Variants in PCDH15 observed in about 807,000 individuals in gnomAD.
The protein encoded by PCDH15 is protocadherin-15.
A neutral mutation model predicts 178.5 loss-of-function variants in PCDH15; 129 were observed. That is an observed-to-expected ratio of 0.72 (90% CI 0.63 to 0.84). The LOEUF is 0.84. PCDH15 is among the 40% of genes least tolerant of loss of function. PCDH15 has a pLI of 0.00. For synonymous variants in PCDH15, 800 were observed against 732.0 expected, an observed-to-expected ratio of 1.09 and a Z score of -1.50; for missense variants, 2,230 against 2,099.9, an observed-to-expected ratio of 1.06 and a Z score of -1.21.
At chr10:54,371,743 A>G (rs1456537907) in intron 4 of PCDH15, among the ~76,000 whole-genome samples, 1 of 152,060 alleles carries the variant, frequency 6.6e-6, no homozygotes, top group African/African-American at 2.4e-5. Flanking sequence ...TATCAGTAGA[A>G]GAGTATAGTT....
intron 32 of PCDH15, among the ~76,000 whole-genome samples, chr10:53,820,464 A>G (rs774294822): frequency 1.3e-5 from 2 of 152,032 alleles, no homozygotes; most frequent in Admixed American, 6.6e-5. Flanking sequence ...CTCTCAACTT[A>G]TATTCATATA....
intron 20 of PCDH15, among the ~76,000 whole-genome samples, chr10:53,998,481 CTG>C (rs376476847): frequency 6.1e-4 from 93 of 152,126 alleles, no homozygotes; most frequent in African/African-American, 2.1e-3. Flanking sequence ...ACATTAGAGT[CTG>C]TAATAATCAC....
chr10:54,379,004 T>C, intron 3 of PCDH15, 62 bp from the exon 4 acceptor site: 3 of 1,590,510 alleles, frequency 1.9e-6, no homozygotes, highest in East Asian at 2.2e-5. Context: ...TTAGCAAAGA[T>C]CATGCTCTTA....
Position 55,117,773 on chromosome 10 carries a change from G to A in PCDH15, c.-80+48803C>T, listed in dbSNP as rs557146278. ...AACTTATGAGAAATCAACAGAAGAAGTCAAGAAACACCATTACAAGGTACC... is the reference window on the plus strand; with the variant it reads ...AACTTATGAGAAATCAACAGAAGAAATCAAGAAACACCATTACAAGGTACC... On this transcript the variant is annotated intron_variant, in intron 2 of 5. Transcript: ENST00000458638. Among the ~76,000 whole-genome samples, 11 of 152,262 alleles carry A rather than the reference G, an allele frequency of 7.2e-5. No homozygotes were observed. The South Asian group carries it at 2.1e-3, about 29-fold the overall frequency.
intron 1 of PCDH15, among the ~76,000 whole-genome samples, chr10:54,752,272 G>C (rs1050214072): frequency 4.0e-5 from 6 of 150,828 alleles, no homozygotes; most frequent in Non-Finnish European, 7.4e-5. Context: ...GTCAGGAGAT[G>C]GAGACCATCC....
intron 16 of PCDH15, among the ~76,000 whole-genome samples, chr10:54,085,002 C>A (rs12268317): frequency 0.027 from 4,091 of 152,060 alleles, 182 homozygotes; most frequent in African/African-American, 0.09. Flanking sequence ...TAACAAAAAC[C>A]TACTAATAAA....
chr10:54,529,821 C>T (rs376204655), intron 2 of PCDH15, among the ~76,000 whole-genome samples: 1 of 151,916 alleles, frequency 6.6e-6, no homozygotes, highest in East Asian at 1.9e-4. Flanking sequence ...TTATAAAATT[C>T]CTCCAATTAT....
chr10:54,718,257 A>C (rs1390510846), intron 1 of PCDH15, among the ~76,000 whole-genome samples: 1 of 147,820 alleles, frequency 6.8e-6, no homozygotes, highest in Non-Finnish European at 1.5e-5. Flanking sequence ...AACTTGAAGT[A>C]TAATAATAAT....
chr10:55,045,111 C>A (rs1840965620), intron 2 of PCDH15, among the ~76,000 whole-genome samples: 2 of 151,970 alleles, frequency 1.3e-5, no homozygotes, highest in South Asian at 4.1e-4. Flanking sequence ...CTAAAAACAC[C>A]AAATATTGTC....
intron 2 of PCDH15, among the ~76,000 whole-genome samples, chr10:54,943,267 C>A (rs957734355): frequency 1.3e-5 from 2 of 151,900 alleles, no homozygotes; most frequent in African/African-American, 4.8e-5. Flanking sequence ...TGGTGTTCAT[C>A]CTCAAAGCCA....
At chr10:54,475,827 A>G (rs1329898839) in intron 3 of PCDH15, among the ~76,000 whole-genome samples, 1 of 151,122 alleles carries the variant, frequency 6.6e-6, no homozygotes, top group African/African-American at 2.4e-5. Context: ...ATAAACTTAT[A>G]TTGATCCATT....
intron 2 of PCDH15, among the ~76,000 whole-genome samples, chr10:55,090,607 C>A (rs1046974507): frequency 6.6e-6 from 1 of 152,024 alleles, no homozygotes; most frequent in Non-Finnish European, 1.5e-5. Context: ...CTGTTCCATG[C>A]ACTTGAGGGA....
chr10:55,414,958 T>C (rs973389166), intron 2 of PCDH15, among the ~76,000 whole-genome samples: 2 of 151,666 alleles, frequency 1.3e-5, no homozygotes, highest in Non-Finnish European at 3.0e-5. Flanking sequence ...TCTAGCACTA[T>C]GTTCAGTAGA....
chr10:54,821,089 A>C (rs1405633749), intron 3 of PCDH15, among the ~76,000 whole-genome samples: 2 of 152,048 alleles, frequency 1.3e-5, no homozygotes, highest in African/African-American at 4.8e-5. Flanking sequence ...CCAGAAAAAA[A>C]ATTTTTAACA....
In PCDH15 at chr10:54,126,156, C is replaced by T. The variant is rs1195703992; in HGVS notation, c.1917+6719G>A. The stretch of plus-strand genomic sequence containing the variant: ...CATGATCTCAGCTCACTGCAAGCTC[C>T]GCCTCCCAGGTGCAACTGATTCTCC... On this transcript the variant is annotated intron_variant, in intron 15 of 37. Coordinates refer to ENST00000644397, the MANE Select transcript of PCDH15 (RefSeq NM_001384140.1). Among the ~76,000 whole-genome samples, 3 of 151,574 alleles carry T rather than the reference C, an allele frequency of 2.0e-5. No individual in the cohort carries two copies. In the East Asian group the frequency reaches 5.8e-4, roughly 30 times the overall value.
chr10:54,583,506 G>A (rs983854), intron 2 of PCDH15, among the ~76,000 whole-genome samples: 144,446 of 152,082 alleles, frequency 0.95, 68,735 homozygotes, highest in Middle Eastern at 0.98. Flanking sequence ...AGATATGCTA[G>A]TAAGGGATAC....
intron 18 of PCDH15, among the ~76,000 whole-genome samples, chr10:54,034,192 G>A (rs1277329975): frequency 6.6e-6 from 1 of 151,904 alleles, no homozygotes; most frequent in African/African-American, 2.4e-5. Context: ...TATTTAATGA[G>A]AGAAAAATAT....
chr10:54,947,208 G>A (rs1305098905), intron 2 of PCDH15, among the ~76,000 whole-genome samples: 1 of 151,884 alleles, frequency 6.6e-6, no homozygotes, highest in African/African-American at 2.4e-5. Flanking sequence ...CCATAACTCA[G>A]CACTGTGCTA....
intron 1 of PCDH15, among the ~76,000 whole-genome samples, chr10:55,229,043 G>A (rs1448647007): frequency 1.3e-5 from 2 of 151,964 alleles, no homozygotes; most frequent in South Asian, 2.1e-4. Context: ...CTCAAGTATA[G>A]GAGTATCTTT....
Sources: allele counts gnomAD v4.1 joint callset (sites outside exome capture counted in the v4.1 genomes callset), GRCh38; gene constraint gnomAD v4.1.1; transcripts MANE v1.5; gene names NCBI Gene and HGNC (gene_info 2026-07-23, HGNC 2026-07-21).